Variants in SLC4A8 observed in about 807,000 individuals in gnomAD.
SLC4A8 encodes the protein solute carrier family 4 member 8.
Under a neutral mutation model 125.0 loss-of-function variants are expected in SLC4A8, and 40 were observed. That is an observed-to-expected ratio of 0.32 (90% CI 0.25 to 0.42). The LOEUF (loss-of-function observed/expected upper bound fraction) is 0.42. Among genes scored for constraint, SLC4A8 ranks in the 10% least tolerant of loss-of-function variants. The probability of loss-of-function intolerance (pLI) is 1.00; values close to 1 mark genes in which losing one functional copy is unlikely to be tolerated. For synonymous variants in SLC4A8, 456 were observed against 476.0 expected, an observed-to-expected ratio of 0.96 and a Z score of 0.55; for missense variants, 863 against 1,355.1, an observed-to-expected ratio of 0.64 and a Z score of 5.70.
chr12:51,431,095 A>G (rs1949171732), intron 1 of SLC4A8, among the ~76,000 whole-genome samples: 1 of 152,138 alleles, frequency 6.6e-6, no homozygotes, highest in African/African-American at 2.4e-5. Flanking sequence ...GACTGCCTGC[A>G]TTCCTTGGCT....
At chr12:51,440,016 C>G (rs1384752001) in intron 1 of SLC4A8, among the ~76,000 whole-genome samples, 1 of 152,090 alleles carries the variant, frequency 6.6e-6, no homozygotes, top group Non-Finnish European at 1.5e-5. Flanking sequence ...GTAGAGAGCT[C>G]TTTCTTGGAA....
At chr12:51,402,978 G>A in intron 1 of SLC4A8, 1 of 319,774 alleles carries the variant, frequency 3.1e-6, no homozygotes, top group Non-Finnish European at 6.3e-6. Context: ...AGTGAAAGGA[G>A]AGACTCTGAG....
At chr12:51,410,652 G>T (rs1326307021) in intron 1 of SLC4A8, among the ~76,000 whole-genome samples, 1 of 151,944 alleles carries the variant, frequency 6.6e-6, no homozygotes, top group Non-Finnish European at 1.5e-5. Context: ...TAGAGACGGG[G>T]TTTCACCATG....
intron 11 of SLC4A8, chr12:51,467,528 C>T (rs544820696): frequency 6.6e-6 from 1 of 152,324 alleles, no homozygotes; most frequent in African/African-American, 2.4e-5. Context: ...GCTGGATCTT[C>T]TCCCCTAGCA....
chr12:51,423,233 A>G (rs1190279850), upstream of SLC4A8, among the ~76,000 whole-genome samples: 1 of 152,244 alleles, frequency 6.6e-6, no homozygotes, highest in African/African-American at 2.4e-5. Context: ...TAACCACAGC[A>G]TGACAACTGC....
chr12:51,449,669 G>A (rs1182964276), intron 2 of SLC4A8, among the ~76,000 whole-genome samples: 2 of 152,156 alleles, frequency 1.3e-5, no homozygotes, highest in Non-Finnish European at 2.9e-5. Flanking sequence ...TGGGCTCCAG[G>A]TTTGGCAGGA....
At chr12:51,479,368 G>T (rs574856759) in intron 16 of SLC4A8, among the ~76,000 whole-genome samples, 1 of 152,288 alleles carries the variant, frequency 6.6e-6, no homozygotes, top group East Asian at 1.9e-4. Flanking sequence ...GGGGGATGGA[G>T]GATGATTGGG....
In SLC4A8 at chr12:51,486,202, T is replaced by C. The variant is rs905333134; in HGVS notation, c.2286+302T>C. Among the ~76,000 whole-genome samples, 7 of 152,312 alleles carry C rather than the reference T, an allele frequency of 4.6e-5. No individual in the cohort carries two copies. The South Asian group carries it at 1.0e-3, about 23-fold the overall frequency. On this transcript the variant is annotated intron_variant, in intron 17 of 24. Transcript: ENST00000453097. ...ATTTAAACAATGGAATGTGCACATT[T>C]ACATAAATATATTCAAGACACTGTG...
intron 11 of SLC4A8, chr12:51,467,282 C>T (rs1218014601): frequency 6.6e-6 from 1 of 152,180 alleles, no homozygotes; most frequent in Non-Finnish European, 1.5e-5. Flanking sequence ...AGCTTCTTTA[C>T]CTGAGCTAGG....
At position 51,511,246 on chromosome 12, in the gene SLC4A8, G is replaced by A. The variant is rs1319328970; in HGVS notation, c.*3808G>A. 3.3e-5 allele frequency: 5 copies of A among 152,170 alleles called. No individual in the cohort carries two copies. The highest frequency in any genetic ancestry group is 7.2e-5 in the African/African-American group (3 of 41,430). 9.4% of individuals were successfully genotyped at this position (152,170 alleles called of 1,614,324 possible). On this transcript the variant is annotated 3_prime_UTR_variant, in exon 25 of 25. Coordinates refer to ENST00000453097, the MANE Select transcript of SLC4A8 (RefSeq NM_001039960.3). ...TGCGGAGGCAAGGCAAGGCTGTCAT[G>A]GTGATTTTCACAGCATCTGGATGGC... is the stretch of plus-strand genomic sequence containing the variant.
chr12:51,464,741 G>A (rs1449742065), intron 11 of SLC4A8, among the ~76,000 whole-genome samples: 2 of 152,168 alleles, frequency 1.3e-5, no homozygotes, highest in East Asian at 3.8e-4. Flanking sequence ...GCTTGAGGTT[G>A]CTTTCCTTAC....
Position 51,509,356 on chromosome 12 carries a change from T to C in SLC4A8, c.*1918T>C, listed in dbSNP as rs1328351608. 6.6e-6 allele frequency: 1 copy of C among 152,248 alleles called. No individual in the cohort carries two copies. Among genetic ancestry groups the C allele is most frequent in the Non-Finnish European group, 1.5e-5 (1 of 68,048 alleles). The allele number at this position is 152,248 out of a possible 1,614,324, so 9.4% of individuals were successfully genotyped here. A position where few individuals can be genotyped will look rare whatever the true frequency, so the allele number is the denominator to read the frequency against. On this transcript the variant is annotated 3_prime_UTR_variant, in exon 25 of 25. Transcript: ENST00000453097. ...GAGCCAAAGCTTCACATTTTAGCAC[T>C]TTAGGATAACTGTAGTAATTGTACT...
chr12:51,400,763 TATATATATATATATACATACATAC>T (rs1352779537), intron 1 of SLC4A8, among the ~76,000 whole-genome samples: 109 of 8,676 alleles, frequency 0.013, 12 homozygotes, highest in East Asian at 0.07. Context: ...TATATATATA[TATATATATATATATACATACATAC>T]ACACACACAC....
At chr12:51,394,222 T>TAGC (rs1454985401) in intron 1 of SLC4A8, among the ~76,000 whole-genome samples, 1 of 152,240 alleles carries the variant, frequency 6.6e-6, no homozygotes, top group Non-Finnish European at 1.5e-5. Context: ...TCCCAAGAAG[T>TAGC]AGCAGCAGTC....
intron 1 of SLC4A8, among the ~76,000 whole-genome samples, chr12:51,395,502 C>T (rs1223746046): frequency 6.6e-6 from 1 of 152,170 alleles, no homozygotes; most frequent in East Asian, 1.9e-4. Flanking sequence ...ACAAAGGCAG[C>T]TCTGTGAGGC....
Position 51,457,554 on chromosome 12 carries a change from TG to T in SLC4A8, c.763+16del. ...GGATAAACATGGTAAGATTATTAGGTGATTTTTCTCTCTTTATTAATAAGAC... is the reference window on the plus strand; with the variant it reads ...GGATAAACATGGTAAGATTATTAGGTATTTTTCTCTCTTTATTAATAAGAC... On this transcript the variant is annotated intron_variant, in intron 6 of 24. Coordinates refer to ENST00000453097, the MANE Select transcript of SLC4A8 (RefSeq NM_001039960.3). 1 of 1,602,376 alleles carries T rather than the reference TG, an allele frequency of 6.2e-7. No homozygotes were observed. The highest frequency in any genetic ancestry group is 8.5e-7 in the Non-Finnish European group (1 of 1,173,540).
At position 51,504,136 on chromosome 12, in the gene SLC4A8, AC is replaced by A; in HGVS notation, c.3173+18del. On this transcript the variant is annotated intron_variant, in intron 23 of 24. Transcript: ENST00000453097. The stretch of plus-strand genomic sequence containing the variant: ...TCAGTTGCAGGTAAAACTTCCAAAC[AC>A]CAAGGAGTTTACTTTTGGGTTATTC... 1 of 1,447,366 alleles carries A rather than the reference AC, an allele frequency of 6.9e-7. No homozygotes were observed. The allele number at this position is 1,447,366 out of a possible 1,614,324, so 89.7% of individuals were successfully genotyped here.
chr12:51,494,413 CTTT>C (rs11363276), intron 20 of SLC4A8: 2 of 132,954 alleles, frequency 1.5e-5, no homozygotes, highest in African/African-American at 2.9e-5. Flanking sequence ...TCTTTTTTTT[CTTT>C]TTTTTTTTTT....
At chr12:51,478,453 A>T (rs7974455) in intron 16 of SLC4A8, among the ~76,000 whole-genome samples, 83,719 of 151,864 alleles carry the variant, frequency 0.55, 23,301 homozygotes, top group African/African-American at 0.62. Context: ...AAAAAAAATT[A>T]CAGACGCAAA....
Sources: allele counts gnomAD v4.1 joint callset (sites outside exome capture counted in the v4.1 genomes callset), GRCh38; gene constraint gnomAD v4.1.1; transcripts MANE v1.5; gene names NCBI Gene and HGNC (gene_info 2026-07-23, HGNC 2026-07-21).